CBR4: variants seen among roughly 807,000 people sequenced by gnomAD.
CBR4 encodes carbonyl reductase 4.
A neutral mutation model predicts 21.0 loss-of-function variants in CBR4; 22 were observed. The observed-to-expected ratio is 1.05, with a 90% CI of 0.75 to 1.50. The LOEUF (loss-of-function observed/expected upper bound fraction) is 1.50. Among genes scored for constraint, CBR4 ranks in the 40% most tolerant of loss-of-function variants. The pLI is 0.00. For synonymous variants in CBR4, 100 were observed against 104.4 expected (o/e 0.96, Z 0.26); for missense variants, 302 against 286.3 (o/e 1.05, Z -0.40).
chr4:168,957,344 C>G (rs1485113218), intron 2 of CBR4, among the ~76,000 whole-genome samples: 1 of 151,962 alleles, frequency 6.6e-6, no homozygotes, highest in East Asian at 1.9e-4. Context: ...TGACTAGTCA[C>G]TACAAGACTA....
chr4:168,991,459 G>GT (rs1385199723), intron 4 of CBR4, among the ~76,000 whole-genome samples: 1 of 152,200 alleles, frequency 6.6e-6, no homozygotes, highest in Non-Finnish European at 1.5e-5. Flanking sequence ...AGAAAGGCCA[G>GT]TATTTCCCAT....
intron 2 of CBR4, among the ~76,000 whole-genome samples, chr4:168,904,955 T>C (rs572923419): frequency 2.0e-5 from 3 of 151,752 alleles, no homozygotes; most frequent in African/African-American, 7.2e-5. Context: ...GGCGAAACCC[T>C]GTCTCTACTA....
At chr4:169,009,464 C>A (rs557569457) in intron 1 of CBR4, among the ~76,000 whole-genome samples, 2 of 152,388 alleles carry the variant, frequency 1.3e-5, no homozygotes, top group South Asian at 4.1e-4. Flanking sequence ...TCGCGCAGGG[C>A]CAAGGCACGG....
At chr4:168,977,066 G>A (rs1428178114) in intron 2 of CBR4, among the ~76,000 whole-genome samples, 1 of 152,152 alleles carries the variant, frequency 6.6e-6, no homozygotes, top group Non-Finnish European at 1.5e-5. Context: ...TCTTACAAAG[G>A]GTCTGTGAAT....
rs886059212 is a variant in CBR4 at position 168,927,088 on chromosome 4, A to G, written n.170-32323T>C. 17 of 222,248 alleles carry G rather than the reference A, an allele frequency of 7.6e-5. No homozygotes were observed. Among genetic ancestry groups the G allele is most frequent in the Non-Finnish European group, 1.3e-4 (14 of 110,790 alleles). The allele number at this position is 222,248 out of a possible 1,614,324, so 13.8% of individuals were successfully genotyped here. Reference sequence around the variant, plus strand: ...TATTAAAAGGCTAATTTAAATATAAATAATATAAAGTGCTCTGAATAAAGC... The same window carrying G: ...TATTAAAAGGCTAATTTAAATATAAGTAATATAAAGTGCTCTGAATAAAGC... On this transcript the variant is annotated intron_variant and non_coding_transcript_variant, in intron 2 of 3. Coordinates refer to the CBR4 transcript ENST00000509108.
chr4:168,905,479 A>G (rs1473190421), intron 2 of CBR4, among the ~76,000 whole-genome samples: 2 of 151,978 alleles, frequency 1.3e-5, no homozygotes, highest in Admixed American at 6.5e-5. Context: ...ATAAATAAAT[A>G]AAGTTTATTC....
Position 168,921,618 on chromosome 4 carries a change from C to T in CBR4, n.170-26853G>A, listed in dbSNP as rs367575623. 6.8e-6 allele frequency: 11 copies of T among 1,610,608 alleles called. No homozygotes were observed. In the African/African-American group the frequency reaches 1.1e-4, roughly 16 times the overall value. On this transcript the variant is annotated intron_variant and non_coding_transcript_variant, in intron 2 of 3. Coordinates refer to the CBR4 transcript ENST00000509108. ...TGACAGTGCTCACAAGATGCTGGTGCGTGAGAACGGGGTGCACTCTCTGAT... is the reference window on the plus strand; with the variant it reads ...TGACAGTGCTCACAAGATGCTGGTGTGTGAGAACGGGGTGCACTCTCTGAT...
intron 3 of CBR4, among the ~76,000 whole-genome samples, chr4:169,006,106 A>G (rs538817095): frequency 6.6e-6 from 1 of 152,336 alleles, no homozygotes; most frequent in South Asian, 2.1e-4. Context: ...AAAAACAGAG[A>G]AATTTTATCT....
chr4:168,981,725 C>T (rs1345924292), intron 2 of CBR4, among the ~76,000 whole-genome samples: 1 of 152,146 alleles, frequency 6.6e-6, no homozygotes, highest in African/African-American at 2.4e-5. Flanking sequence ...TCAGCAGAAA[C>T]ACTACAAGCC....
intron 2 of CBR4, among the ~76,000 whole-genome samples, chr4:168,895,150 G>A (rs935289703): frequency 1.3e-5 from 2 of 152,116 alleles, no homozygotes; most frequent in Non-Finnish European, 1.5e-5. Flanking sequence ...TTGGGAGGCT[G>A]AGGTGGGTGG....
chr4:168,901,163 C>T (rs1179656433), intron 2 of CBR4, among the ~76,000 whole-genome samples: 2 of 152,186 alleles, frequency 1.3e-5, no homozygotes, highest in East Asian at 3.8e-4. Context: ...TTCCCTCTCT[C>T]ATTTATTAAA....
At chr4:168,945,609 C>T (rs964655282) in intron 2 of CBR4, among the ~76,000 whole-genome samples, 1 of 151,934 alleles carries the variant, frequency 6.6e-6, no homozygotes, top group Non-Finnish European at 1.5e-5. Context: ...AATCCTTCCC[C>T]GTGTGAGAAT....
At chr4:168,945,018 CTG>C (rs1353808826) in intron 2 of CBR4, among the ~76,000 whole-genome samples, 1 of 152,178 alleles carries the variant, frequency 6.6e-6, no homozygotes, top group Non-Finnish European at 1.5e-5. Flanking sequence ...CTAGAAATAA[CTG>C]TGTTAGACAA....
rs1762703790 is a variant in CBR4 at position 168,927,445 on chromosome 4, G to A, written n.170-32680C>T. The A allele has an allele frequency of 1.3e-5, 3 of 232,876 alleles. No homozygotes were observed. In the East Asian group the frequency reaches 1.8e-4, roughly 14 times the overall value. The allele number at this position is 232,876 out of a possible 1,614,324, so 14.4% of individuals were successfully genotyped here. A position where few individuals can be genotyped will look rare whatever the true frequency, so the allele number is the denominator to read the frequency against. On this transcript the variant is annotated intron_variant and non_coding_transcript_variant, in intron 2 of 3. Transcript: ENST00000509108. The stretch of plus-strand genomic sequence containing the variant: ...AGATTGCAGTGTGTCTGAGGTTTGT[G>A]TAGTAGTGGAAGATTTTAGGTATGT...
chr4:168,926,289 G>A lies in CBR4; in HGVS notation n.170-31524C>T, dbSNP rs1002500543. The A allele has an allele frequency of 1.3e-5, 20 of 1,536,894 alleles. No individual in the cohort carries two copies. The highest frequency in any genetic ancestry group is 2.4e-5 in the East Asian group (1 of 40,928). ...CAGCCAGTCGCTATGCAGCACTTTC[G>A]GACCAGGGACTAGACATCAAAGCAG... is the stretch of plus-strand genomic sequence containing the variant. On this transcript the variant is annotated intron_variant and non_coding_transcript_variant, in intron 2 of 3. Coordinates refer to the CBR4 transcript ENST00000509108.
At chr4:168,934,899 A>G (rs958305989) in intron 2 of CBR4, among the ~76,000 whole-genome samples, 10 of 152,224 alleles carry the variant, frequency 6.6e-5, no homozygotes, top group African/African-American at 2.4e-4. Flanking sequence ...CTACAGACCA[A>G]TATCCCTAAT....
chr4:168,972,914 G>C (rs1764254051), intron 2 of CBR4, among the ~76,000 whole-genome samples: 2 of 152,188 alleles, frequency 1.3e-5, no homozygotes, highest in Admixed American at 6.5e-5. Context: ...TTGTGAGCTT[G>C]TCATAGATGG....
At chr4:168,903,648 C>T in intron 2 of CBR4, 1 of 884,772 alleles carries the variant, frequency 1.1e-6, no homozygotes, top group African/African-American at 1.6e-5. Flanking sequence ...AACATTTTAA[C>T]ATGAAAACTC....
At chr4:168,935,206 C>T (rs958319284) in intron 2 of CBR4, among the ~76,000 whole-genome samples, 4 of 152,274 alleles carry the variant, frequency 2.6e-5, no homozygotes, top group South Asian at 2.1e-4. Context: ...CAAGGGAAGC[C>T]GTGAGGGACT....
Sources: gnomAD v4.1 joint callset for allele counts (sites outside exome capture counted in the v4.1 genomes callset) on GRCh38, gnomAD v4.1.1 for gene constraint, MANE v1.5 for transcripts, NCBI Gene and HGNC (gene_info 2026-07-23, HGNC 2026-07-21) for gene names.